Variants in NRXN3 observed in about 807,000 individuals in gnomAD.
NRXN3 encodes neurexin 3.
In NRXN3, 32 loss-of-function variants were observed where a neutral mutation model predicts 137.6. The observed-to-expected ratio is 0.23, with a 90% CI of 0.18 to 0.31. The LOEUF (loss-of-function observed/expected upper bound fraction) is 0.31. Ranked by LOEUF, NRXN3 falls within the 10% of genes least tolerant of loss-of-function variation. The probability of loss-of-function intolerance (pLI) is 1.00; values close to 1 mark genes in which losing one functional copy is unlikely to be tolerated. For missense variants in NRXN3, 1,574 were observed against 2,062.5 expected (o/e 0.76, Z 4.59); for synonymous variants, 798 against 784.5 (o/e 1.02, Z -0.29).
Position 78,967,405 on chromosome 14 carries a change from C to A in NRXN3, c.2968+7C>A. ...AAAAATCTGGATTTGAAAGGTAAAC[C>A]TTGTAAAGAAATTTAGTTTTTAATA... On this transcript the variant is annotated splice_region_variant and intron_variant, in intron 13 of 20. Transcript: ENST00000335750. 3 of 1,605,986 alleles carry A rather than the reference C, an allele frequency of 1.9e-6. No individual in the cohort carries two copies. Among genetic ancestry groups the A allele is most frequent in the Non-Finnish European group, 2.6e-6 (3 of 1,173,868 alleles).
At chr14:79,399,374 T>A (rs947417733) in intron 15 of NRXN3, among the ~76,000 whole-genome samples, 1 of 152,154 alleles carries the variant, frequency 6.6e-6, no homozygotes, top group Non-Finnish European at 1.5e-5. Context: ...GTGTGCTTCA[T>A]CTCCTGGCTG....
intron 16 of NRXN3, among the ~76,000 whole-genome samples, chr14:79,559,736 CAAAGTGCAATAAAGA>C (rs1163412648): frequency 1.3e-5 from 2 of 152,020 alleles, no homozygotes; most frequent in Non-Finnish European, 2.9e-5. Context: ...ATAATATCTA[CAAAGTGCAATAAAGA>C]AAAGTGCAAT....
At chr14:78,233,455 A>G (rs1252776621) in intron 1 of NRXN3, among the ~76,000 whole-genome samples, 1 of 152,038 alleles carries the variant, frequency 6.6e-6, no homozygotes, top group African/African-American at 2.4e-5. Context: ...GTTCCTCTGG[A>G]TTGTATTGTA....
intron 15 of NRXN3, among the ~76,000 whole-genome samples, chr14:79,065,832 A>G (rs374188312): frequency 4.6e-5 from 7 of 152,072 alleles, no homozygotes; most frequent in East Asian, 3.9e-4. Context: ...GTTCAGGGGT[A>G]CAGGTGCAGT....
Position 79,753,727 on chromosome 14 carries a change from A to C in NRXN3, c.4015-51385A>C, listed in dbSNP as rs539967345. Among the ~76,000 whole-genome samples, 3 of 151,848 alleles carry C rather than the reference A, an allele frequency of 2.0e-5. No individual in the cohort carries two copies. The East Asian group carries it at 5.8e-4, about 29-fold the overall frequency. ...CTAAAACTTAAAGTATAATAATAAT[A>C]ATAATAATAAAAAGAAATTTCTAAT... is the stretch of plus-strand genomic sequence containing the variant. On this transcript the variant is annotated intron_variant, in intron 19 of 20. Coordinates refer to ENST00000335750, the MANE Select transcript of NRXN3 (RefSeq NM_001330195.2).
At chr14:79,804,361 A>G (rs913128281) in intron 19 of NRXN3, among the ~76,000 whole-genome samples, 1 of 152,032 alleles carries the variant, frequency 6.6e-6, no homozygotes, top group Non-Finnish European at 1.5e-5. Context: ...TCAGTCTCCT[A>G]TATTTCTTGT....
At chr14:78,891,871 C>G (rs749860095) in intron 10 of NRXN3, among the ~76,000 whole-genome samples, 1 of 151,922 alleles carries the variant, frequency 6.6e-6, no homozygotes, top group South Asian at 2.1e-4. Context: ...GCAATAGGCG[C>G]ACACACATTT....
At chr14:78,315,158 C>G (rs2078554294) in intron 4 of NRXN3, among the ~76,000 whole-genome samples, 1 of 151,456 alleles carries the variant, frequency 6.6e-6, no homozygotes, top group Non-Finnish European at 1.5e-5. Context: ...ATTACAGGCG[C>G]TTACCAGCTA....
chr14:79,826,538 GTCA>G (rs2099302403), intron 20 of NRXN3, among the ~76,000 whole-genome samples: 1 of 152,154 alleles, frequency 6.6e-6, no homozygotes, highest in African/African-American at 2.4e-5. Context: ...CTCAGTTGTA[GTCA>G]TCATTCCTTT....
chr14:78,246,635 A>T (rs995475458), intron 2 of NRXN3, among the ~76,000 whole-genome samples: 1 of 152,190 alleles, frequency 6.6e-6, no homozygotes, highest in Non-Finnish European at 1.5e-5. Context: ...ATCAAGTCTA[A>T]TCAATCACAA....
At chr14:79,189,227 G>A (rs989489806) in intron 15 of NRXN3, among the ~76,000 whole-genome samples, 71 of 152,096 alleles carry the variant, frequency 4.7e-4, no homozygotes, top group Non-Finnish European at 9.0e-4. Flanking sequence ...ATGAGTTCAC[G>A]TCCTTTGTAG....
chr14:79,487,221 C>T (rs1296416239), intron 16 of NRXN3, among the ~76,000 whole-genome samples: 8 of 152,228 alleles, frequency 5.3e-5, no homozygotes, highest in South Asian at 2.1e-4. Context: ...CCTGATCCCA[C>T]GCTAATGGCC....
chr14:79,630,928 A>G (rs1382314887), intron 16 of NRXN3, among the ~76,000 whole-genome samples: 2 of 152,220 alleles, frequency 1.3e-5, no homozygotes, highest in Admixed American at 1.3e-4. Context: ...CTTGTTTGGT[A>G]CAAGCTCTGC....
At chr14:78,654,360 T>G (rs923886825) in intron 6 of NRXN3, among the ~76,000 whole-genome samples, 1 of 152,252 alleles carries the variant, frequency 6.6e-6, no homozygotes, top group African/African-American at 2.4e-5. Context: ...GGCTTTAAGT[T>G]GTCCTAAATG....
intron 10 of NRXN3, among the ~76,000 whole-genome samples, chr14:78,826,428 T>C (rs1026526338): frequency 2.0e-5 from 3 of 152,140 alleles, no homozygotes; most frequent in Non-Finnish European, 4.4e-5. Flanking sequence ...TCCAAGTCCC[T>C]GGCTCATGTT....
At chr14:79,720,083 A>C (rs2098838942) in intron 19 of NRXN3, among the ~76,000 whole-genome samples, 1 of 152,114 alleles carries the variant, frequency 6.6e-6, no homozygotes, top group Non-Finnish European at 1.5e-5. Context: ...GAGACTGGGT[A>C]ATTTATAAAG....
Position 78,422,299 on chromosome 14 carries a change from T to G in NRXN3, c.757+124439T>G, listed in dbSNP as rs1338001826. Among the ~76,000 whole-genome samples the G allele has an allele frequency of 2.0e-5, 3 of 152,226 alleles. No individual in the cohort carries two copies. The East Asian group carries it at 5.8e-4, about 29-fold the overall frequency. On this transcript the variant is annotated intron_variant, in intron 4 of 20. Coordinates refer to ENST00000335750, the MANE Select transcript of NRXN3 (RefSeq NM_001330195.2). ...AACACTTCAGAACTCTTATCATTGT[T>G]GCAATTTTGCATTCATTCTTGAGGT...
intron 4 of NRXN3, among the ~76,000 whole-genome samples, chr14:78,508,313 G>T (rs538060473): frequency 6.6e-6 from 1 of 152,176 alleles, no homozygotes; most frequent in Non-Finnish European, 1.5e-5. Flanking sequence ...TCACACCAAG[G>T]TTTACTCAAA....
At chr14:79,667,019 C>T (rs2098561961) in intron 17 of NRXN3, among the ~76,000 whole-genome samples, 1 of 151,668 alleles carries the variant, frequency 6.6e-6, no homozygotes, top group Non-Finnish European at 1.5e-5. Flanking sequence ...CCTTGGATAC[C>T]TTATTTTCTC....
Sources: allele counts gnomAD v4.1 joint callset (sites outside exome capture counted in the v4.1 genomes callset), GRCh38; gene constraint gnomAD v4.1.1; transcripts MANE v1.5; gene names NCBI Gene and HGNC (gene_info 2026-07-23, HGNC 2026-07-21).